ARSB: variants seen among roughly 807,000 people sequenced by gnomAD.
The protein encoded by ARSB is N-acetylgalactosamine-4-sulfatase.
In ARSB, 41 loss-of-function variants were observed where a neutral mutation model predicts 50.9. The ratio of observed to expected loss-of-function variants is 0.81; its 90% confidence interval spans 0.63 to 1.04. ARSB has a LOEUF of 1.04. Ranked by LOEUF, ARSB falls within the 50% of genes least tolerant of loss-of-function variation. ARSB has a pLI of 0.00. For missense variants in ARSB, 672 were observed against 693.3 expected, an observed-to-expected ratio of 0.97 and a Z score of 0.35; for synonymous variants, 269 against 284.8, an observed-to-expected ratio of 0.94 and a Z score of 0.56.
At chr5:78,941,694 T>C (rs1041076550) in intron 4 of ARSB, among the ~76,000 whole-genome samples, 12 of 152,308 alleles carry the variant, frequency 7.9e-5, no homozygotes, top group Non-Finnish European at 1.5e-4. Flanking sequence ...CAGTATTTTA[T>C]TGAGGATTTT....
At chr5:78,867,089 C>T (rs985079276) in intron 5 of ARSB, among the ~76,000 whole-genome samples, 2 of 152,140 alleles carry the variant, frequency 1.3e-5, no homozygotes, top group Admixed American at 6.5e-5. Flanking sequence ...CACTCCCACC[C>T]GAATATTGCG....
At chr5:78,948,527 C>G (rs937906457) in intron 4 of ARSB, among the ~76,000 whole-genome samples, 1 of 152,070 alleles carries the variant, frequency 6.6e-6, no homozygotes, top group Admixed American at 6.6e-5. Context: ...TGGTATTAAT[C>G]ACACACTGCA....
chr5:78,888,660 A>C (rs1748147467), intron 4 of ARSB, among the ~76,000 whole-genome samples: 1 of 152,184 alleles, frequency 6.6e-6, no homozygotes, highest in African/African-American at 2.4e-5. Context: ...AGTGGAGATG[A>C]TGGGGACAAG....
At chr5:78,802,553 G>A (rs1300158573) in intron 6 of ARSB, among the ~76,000 whole-genome samples, 1 of 152,196 alleles carries the variant, frequency 6.6e-6, no homozygotes, top group Non-Finnish European at 1.5e-5. Flanking sequence ...GGAGAGAACA[G>A]AGCAGCAGGC....
intron 6 of ARSB, among the ~76,000 whole-genome samples, chr5:78,792,939 C>T: frequency 6.6e-6 from 1 of 152,040 alleles, no homozygotes; most frequent in East Asian, 1.9e-4. Context: ...AACATTTTCC[C>T]CACATAACCT....
At chr5:78,806,688 T>C (rs1743579680) in intron 6 of ARSB, among the ~76,000 whole-genome samples, 1 of 152,238 alleles carries the variant, frequency 6.6e-6, no homozygotes, top group Non-Finnish European at 1.5e-5. Context: ...ATTTGCCTCA[T>C]TATGCTCCAC....
chr5:78,823,602 G>A (rs149732004), intron 6 of ARSB, among the ~76,000 whole-genome samples: 21 of 152,224 alleles, frequency 1.4e-4, no homozygotes, highest in African/African-American at 4.8e-4. Flanking sequence ...CTTCTTCTAG[G>A]GTGGTAGATA....
intron 5 of ARSB, among the ~76,000 whole-genome samples, chr5:78,857,559 T>A (rs1446633189): frequency 6.6e-6 from 1 of 152,170 alleles, no homozygotes; most frequent in Non-Finnish European, 1.5e-5. Flanking sequence ...TGAATCAAGG[T>A]AATGGGTGTT....
At position 78,835,439 on chromosome 5, in the gene ARSB, T is replaced by C. The variant is rs143670107; in HGVS notation, c.1213+3917A>G. Reference sequence around the variant, plus strand: ...TAATGCCTATTCGTATGATTCACAATCAGAGGAGACATTGGTCAACAAACC... The same window carrying C: ...TAATGCCTATTCGTATGATTCACAACCAGAGGAGACATTGGTCAACAAACC... On this transcript the variant is annotated intron_variant, in intron 6 of 7. Coordinates refer to ENST00000264914, the MANE Select transcript of ARSB (RefSeq NM_000046.5). Among the ~76,000 whole-genome samples the C allele has an allele frequency of 1.1e-3, 168 of 152,078 alleles. 1 individual carries two copies. Among genetic ancestry groups the C allele is most frequent in the African/African-American group, 3.8e-3 (157 of 41,464 alleles).
At chr5:78,958,729 T>C (rs749703637) in intron 3 of ARSB, among the ~76,000 whole-genome samples, 2 of 152,176 alleles carry the variant, frequency 1.3e-5, no homozygotes, top group Non-Finnish European at 2.9e-5. Context: ...CTTCTGTAAA[T>C]AACTAGGAAA....
intron 6 of ARSB, among the ~76,000 whole-genome samples, chr5:78,836,865 A>G (rs1442341338): frequency 1.3e-5 from 2 of 152,192 alleles, no homozygotes; most frequent in African/African-American, 4.8e-5. Flanking sequence ...GGCCTCAGGA[A>G]CTTACAATCA....
In ARSB at chr5:78,904,748, C is replaced by T. The variant is rs959007421; in HGVS notation, c.899-18921G>A. ...TGTTGCCCAGGCTGGAATGCAGTGG[C>T]GCTATCTCAGCTCACTGCAACCTCT... On this transcript the variant is annotated intron_variant, in intron 4 of 7. Coordinates refer to ENST00000264914, the MANE Select transcript of ARSB (RefSeq NM_000046.5). Among the ~76,000 whole-genome samples, 7 of 146,470 alleles carry T rather than the reference C, an allele frequency of 4.8e-5. No individual in the cohort carries two copies. The East Asian group carries it at 8.0e-4, about 17-fold the overall frequency.
At chr5:78,854,752 T>G (rs1279939576) in intron 5 of ARSB, among the ~76,000 whole-genome samples, 2 of 152,240 alleles carry the variant, frequency 1.3e-5, no homozygotes, top group Non-Finnish European at 2.9e-5. Flanking sequence ...GACTGTTTCT[T>G]GTAAAGCCAG....
intron 3 of ARSB, among the ~76,000 whole-genome samples, chr5:78,956,601 G>A (rs561305413): frequency 3.3e-5 from 5 of 152,144 alleles, no homozygotes; most frequent in Non-Finnish European, 5.9e-5. Context: ...GTCCCAGAAC[G>A]GCCTCAATGG....
At chr5:78,829,971 A>T (rs1040339046) in intron 6 of ARSB, among the ~76,000 whole-genome samples, 5 of 152,188 alleles carry the variant, frequency 3.3e-5, no homozygotes, top group Admixed American at 3.3e-4. Context: ...TCTGGACACC[A>T]CCAAATCTTT....
intron 4 of ARSB, among the ~76,000 whole-genome samples, chr5:78,892,278 CAG>C (rs1215475884): frequency 1.0e-5 from 1 of 100,020 alleles, no homozygotes; most frequent in South Asian, 3.4e-4. Context: ...TTTTTTGAGA[CAG>C]TGTCTCACTC....
chr5:78,866,896 A>C (rs1746782376), intron 5 of ARSB, among the ~76,000 whole-genome samples: 1 of 152,150 alleles, frequency 6.6e-6, no homozygotes, highest in Non-Finnish European at 1.5e-5. Context: ...CTGCATTTCC[A>C]TCTGAGGTAC....
At chr5:78,938,353 G>A (rs1022181957) in intron 4 of ARSB, among the ~76,000 whole-genome samples, 2 of 152,222 alleles carry the variant, frequency 1.3e-5, no homozygotes, top group Non-Finnish European at 2.9e-5. Flanking sequence ...ATTAACAGGT[G>A]AAATCTAAAG....
At chr5:78,872,002 G>T (rs930751512) in intron 5 of ARSB, among the ~76,000 whole-genome samples, 1 of 151,766 alleles carries the variant, frequency 6.6e-6, no homozygotes. Context: ...AAAAGCGGGC[G>T]AAGGACATGA....
Sources: gnomAD v4.1 joint callset for allele counts (sites outside exome capture counted in the v4.1 genomes callset) on GRCh38, gnomAD v4.1.1 for gene constraint, MANE v1.5 for transcripts, NCBI Gene and HGNC (gene_info 2026-07-23, HGNC 2026-07-21) for gene names.